Variants in TGFBR2 observed in about 807,000 individuals in gnomAD.
TGFBR2 encodes the protein TGF-beta receptor type-2.
Under a neutral mutation model 49.0 loss-of-function variants are expected in TGFBR2, and 18 were observed. The observed-to-expected ratio is 0.37, with a 90% confidence interval of 0.25 to 0.54. TGFBR2 has a LOEUF of 0.54. TGFBR2 is among the 20% of genes least tolerant of loss of function. The pLI is 0.85. For synonymous variants in TGFBR2, 282 were observed against 275.9 expected, an observed-to-expected ratio of 1.02 and a Z score of -0.22; for missense variants, 525 against 722.6, an observed-to-expected ratio of 0.73 and a Z score of 3.13.
intron 3 of TGFBR2, among the ~76,000 whole-genome samples, chr3:30,652,111 C>G (rs1016717329): frequency 6.6e-6 from 1 of 152,186 alleles, no homozygotes; most frequent in African/African-American, 2.4e-5. Context: ...GCCAACTTCT[C>G]AGTGAACTGA....
rs890381329 is a variant in TGFBR2 at position 30,694,102 on chromosome 3, G to C, written c.*2503G>C. ...TAGATTGAATAAAGCAAAATACTCA[G>C]GTGAGCATCCTGCCTCCTGTTCCCA... On this transcript the variant is annotated 3_prime_UTR_variant, in exon 7 of 7. Coordinates refer to ENST00000295754, the MANE Select transcript of TGFBR2 (RefSeq NM_003242.6). The C allele has an allele frequency of 4.4e-6, 1 of 229,558 alleles. No individual in the cohort carries two copies. Among genetic ancestry groups the C allele is most frequent in the Non-Finnish European group, 8.7e-6 (1 of 115,560 alleles). 14.2% of individuals were successfully genotyped at this position (229,558 alleles called of 1,614,324 possible). A position where few individuals can be genotyped will look rare whatever the true frequency, so the allele number is the denominator to read the frequency against.
intron 3 of TGFBR2, among the ~76,000 whole-genome samples, chr3:30,668,946 G>A (rs1232712617): frequency 6.6e-6 from 1 of 151,804 alleles, no homozygotes; most frequent in Non-Finnish European, 1.5e-5. Flanking sequence ...AAATGGATAT[G>A]TACCAGCTTC....
chr3:30,672,407 G>C lies in TGFBR2; in HGVS notation c.1224G>C (p.Leu408=), dbSNP rs1166053807. 4 of 1,614,106 alleles carry C rather than the reference G, an allele frequency of 2.5e-6. No homozygotes were observed. The highest frequency in any genetic ancestry group is 1.6e-4 in the Middle Eastern group (1 of 6,084). Residue 408 remains leucine (L), a synonymous_variant, in exon 4 of 7, where the codon CTG becomes CTC. Coordinates refer to ENST00000295754, the MANE Select transcript of TGFBR2 (RefSeq NM_003242.6). The surrounding 1 kb of genome is among the most constrained non-coding windows in gnomAD (Gnocchi z 4.5). The part of the protein sequence containing the change: ...FGLSLRLDPT[L]SVDDLANSGQ... ...TTTCCCTGCGTCTGGACCCTACTCT[G>C]TCTGTGGATGACCTGGCTAACAGTG... is the stretch of plus-strand genomic sequence containing the variant.
chr3:30,644,218 A>G (rs1239393106), intron 1 of TGFBR2, among the ~76,000 whole-genome samples: 1 of 152,164 alleles, frequency 6.6e-6, no homozygotes, highest in Non-Finnish European at 1.5e-5. Flanking sequence ...TGCCTCCAGC[A>G]ACGGTTCCTC....
rs2125437195 is a variant in TGFBR2 at position 30,672,446 on chromosome 3, G to C, written c.1254+9G>C. The C allele has an allele frequency of 6.2e-7, 1 of 1,614,134 alleles. No homozygotes were observed. The highest frequency in any genetic ancestry group is 8.5e-7 in the Non-Finnish European group (1 of 1,179,972). On this transcript the variant is annotated intron_variant, in intron 4 of 6. Transcript: ENST00000295754. This position sits in a 1 kb window ranked among gnomAD's most constrained non-coding sequence, Gnocchi z 4.5. Reference sequence around the variant, plus strand: ...TGGCTAACAGTGGGCAGGTAAGTTAGAGCTAGTGCTAGATCCCCTTTACCT... The same window carrying C: ...TGGCTAACAGTGGGCAGGTAAGTTACAGCTAGTGCTAGATCCCCTTTACCT...
chr3:30,693,853 T>A lies in TGFBR2; in HGVS notation c.*2254T>A, dbSNP rs570583391. Reference sequence around the variant, plus strand: ...TTTTGTTTATGTTTTTTTTTCTTATTCAAGAAAAAAGACCAAGGAATAACA... The same window carrying A: ...TTTTGTTTATGTTTTTTTTTCTTATACAAGAAAAAAGACCAAGGAATAACA... On this transcript the variant is annotated 3_prime_UTR_variant, in exon 7 of 7. Transcript: ENST00000295754. 4.3e-6 allele frequency: 1 copy of A among 232,616 alleles called. No individual in the cohort carries two copies. The highest frequency in any genetic ancestry group is 1.8e-4 in the South Asian group (1 of 5,506). 14.4% of individuals were successfully genotyped at this position (232,616 alleles called of 1,614,324 possible). A position where few individuals can be genotyped will look rare whatever the true frequency, so the allele number is the denominator to read the frequency against.
chr3:30,691,713 T>C lies in TGFBR2; in HGVS notation c.*114T>C, dbSNP rs1699713961. 5.9e-6 allele frequency: 7 copies of C among 1,190,088 alleles called. No homozygotes were observed. Among genetic ancestry groups the C allele is most frequent in the East Asian group, 2.4e-5 (1 of 41,896 alleles). 73.7% of individuals were successfully genotyped at this position (1,190,088 alleles called of 1,614,324 possible). A position where few individuals can be genotyped will look rare whatever the true frequency, so the allele number is the denominator to read the frequency against. Reference sequence around the variant, plus strand: ...CTTCCTGGAAAACCAAGGGGGTCACTCCCCTCCCTGTAAGCTGTGGGGATA... The same window carrying C: ...CTTCCTGGAAAACCAAGGGGGTCACCCCCCTCCCTGTAAGCTGTGGGGATA... On this transcript the variant is annotated 3_prime_UTR_variant, in exon 7 of 7. Transcript: ENST00000295754.
At chr3:30,610,325 A>AC (rs1553624349) in intron 1 of TGFBR2, among the ~76,000 whole-genome samples, 1 of 151,156 alleles carries the variant, frequency 6.6e-6, no homozygotes, top group Non-Finnish European at 1.5e-5. Context: ...CAAAAGCCTC[A>AC]TTTTTTTTTG....
rs863223853 is a variant in TGFBR2, at chr3:30,691,421, G to C, written c.1526G>C (p.Gly509Ala). The C allele has an allele frequency of 6.2e-7, 1 of 1,613,898 alleles. No individual in the cohort carries two copies. Reference sequence around the variant, plus strand: ...CTTTGGATCTCTTTCCCGCTACAGGGCATCCAGATGGTGTGTGAGACGTTG... The same window carrying C: ...CTTTGGATCTCTTTCCCGCTACAGGCCATCCAGATGGTGTGTGAGACGTTG... Reference protein sequence around the residue: ...EIPSFWLNHQGIQMVCETLTE... With the variant: ...EIPSFWLNHQAIQMVCETLTE... The change falls in exon 7 of 7, where the codon GGC (glycine) becomes GCC (alanine). Residue 509 changes from glycine (G) to alanine (A), a missense_variant and splice_region_variant. Gly to Ala is a moderately conservative substitution (Grantham distance 60). This residue lies in a region of TGFBR2 where 104 missense variants were observed against 133.4 expected (regional missense o/e 0.78). Transcript: ENST00000295754.
chr3:30,653,141 T>A (rs1214607458), intron 3 of TGFBR2, among the ~76,000 whole-genome samples: 5 of 152,062 alleles, frequency 3.3e-5, no homozygotes. Context: ...CTCTTTTCTG[T>A]GTGGTGGGAT....
chr3:30,632,740 A>T (rs1220301689), intron 1 of TGFBR2, among the ~76,000 whole-genome samples: 1 of 152,122 alleles, frequency 6.6e-6, no homozygotes, highest in East Asian at 1.9e-4. Flanking sequence ...GAGGATTTTC[A>T]CAGGTACTTC....
At chr3:30,649,617 T>C (rs1440831422) in intron 2 of TGFBR2, among the ~76,000 whole-genome samples, 1 of 152,216 alleles carries the variant, frequency 6.6e-6, no homozygotes, top group Non-Finnish European at 1.5e-5. Flanking sequence ...TTGTTTTTTT[T>C]GTTTGTTTGT....
In TGFBR2 at chr3:30,648,013, G is replaced by T. The variant is rs150408551; in HGVS notation, c.264-2257G>T. Among the ~76,000 whole-genome samples the T allele has an allele frequency of 9.9e-4, 150 of 152,238 alleles. 1 individual carries two copies. Among genetic ancestry groups the T allele is most frequent in the Middle Eastern group, 3.4e-3 (1 of 294 alleles). On this transcript the variant is annotated intron_variant, in intron 2 of 6. Coordinates refer to ENST00000295754, the MANE Select transcript of TGFBR2 (RefSeq NM_003242.6). The stretch of plus-strand genomic sequence containing the variant: ...TTTTATCATGTTGGTTCTTCTTTCA[G>T]TGGAAATTGACAACCTCTTCAGTGG...
At chr3:30,607,832 TATATA>T (rs1697956607) in intron 1 of TGFBR2, among the ~76,000 whole-genome samples, 1 of 125,520 alleles carries the variant, frequency 8.0e-6, no homozygotes, top group African/African-American at 4.4e-5. Context: ...TATAAATATA[TATATA>T]ATTATATATA....
At chr3:30,657,203 GT>G (rs1699019118) in intron 3 of TGFBR2, among the ~76,000 whole-genome samples, 1 of 152,176 alleles carries the variant, frequency 6.6e-6, no homozygotes, top group Non-Finnish European at 1.5e-5. Context: ...CATTCCCGTG[GT>G]GGTGGTGTGT....
At chr3:30,619,953 C>T (rs1031738730) in intron 1 of TGFBR2, among the ~76,000 whole-genome samples, 6 of 126,026 alleles carry the variant, frequency 4.8e-5, no homozygotes, top group African/African-American at 1.6e-4. Context: ...TTTGGGAGGC[C>T]GAGGCGGGCG....
rs17026217 is a variant in TGFBR2 at position 30,675,503 on chromosome 3, C to T, written c.1396+1257C>T. On this transcript the variant is annotated intron_variant, in intron 5 of 6. Transcript: ENST00000295754. ...CCGGGTTCAAGCAATTCTCCTAGCT[C>T]AGCCTCTTGAGTAGCTGAGATTACA... 3.9e-5 allele frequency among the ~76,000 whole-genome samples: 6 copies of T among 152,040 alleles called. No individual in the cohort carries two copies. The East Asian group carries it at 1.2e-3, about 29-fold the overall frequency.
At chr3:30,638,996 A>G (rs1283779357) in intron 1 of TGFBR2, among the ~76,000 whole-genome samples, 3 of 152,158 alleles carry the variant, frequency 2.0e-5, no homozygotes, top group East Asian at 1.9e-4. Context: ...CTGGGCCCAT[A>G]TGGTGATCAG....
At chr3:30,678,555 A>AT (rs1699481405) in intron 5 of TGFBR2, among the ~76,000 whole-genome samples, 1 of 151,456 alleles carries the variant, frequency 6.6e-6, no homozygotes, top group Non-Finnish European at 1.5e-5. Flanking sequence ...CTAAAAAAAA[A>AT]AAAAAAAAAA....
Sources: allele counts gnomAD v4.1 joint callset (sites outside exome capture counted in the v4.1 genomes callset), GRCh38; gene constraint gnomAD v4.1.1; regional missense constraint gnomAD v4.1.1; non-coding constraint Gnocchi (gnomAD v3.1); transcripts MANE v1.5; gene names NCBI Gene and HGNC (gene_info 2026-07-23, HGNC 2026-07-21).